The following RUVBL2 variants were observed in gnomAD, a reference collection of about 807,000 sequenced individuals.
RUVBL2 encodes RuvB like AAA ATPase 2.
In RUVBL2, 9 loss-of-function variants were observed where a neutral mutation model predicts 57.9. The observed-to-expected ratio is 0.16, with a 90% confidence interval of 0.09 to 0.27. The LOEUF (loss-of-function observed/expected upper bound fraction) is 0.27, where lower values mean the gene tolerates loss of function less well. Ranked by LOEUF, RUVBL2 falls within the 10% of genes least tolerant of loss-of-function variation. RUVBL2 has a pLI of 1.00. For missense variants in RUVBL2, 456 were observed against 669.6 expected, an observed-to-expected ratio of 0.68 and a Z score of 3.52; for synonymous variants, 278 against 264.6, an observed-to-expected ratio of 1.05 and a Z score of -0.49.
chr19:49,004,668 T>C (rs917670377), intron 4 of RUVBL2, among the ~76,000 whole-genome samples: 1 of 152,074 alleles, frequency 6.6e-6, no homozygotes, highest in East Asian at 1.9e-4. Flanking sequence ...GAGGACGCCA[T>C]GTTCCAAGAG....
intron 1 of RUVBL2, among the ~76,000 whole-genome samples, chr19:48,996,348 G>T (rs1213829361): frequency 5.3e-5 from 8 of 152,012 alleles, no homozygotes; most frequent in African/African-American, 1.7e-4. Flanking sequence ...TCAAGACAGA[G>T]TCTCACTCTG....
intron 1 of RUVBL2, among the ~76,000 whole-genome samples, chr19:48,996,378 G>C (rs1474790333): frequency 6.6e-6 from 1 of 152,062 alleles, no homozygotes; most frequent in Admixed American, 6.6e-5. Context: ...CTGGAGTGCA[G>C]TGGTGTGATC....
intron 11 of RUVBL2, 144 bp from the exon 12 acceptor site, chr19:49,014,337 GTCA>G: frequency 1.1e-6 from 1 of 919,948 alleles, no homozygotes; most frequent in Admixed American, 2.4e-5. Flanking sequence ...CAGGGGTGAT[GTCA>G]TCATGTGACA....
intron 1 of RUVBL2, chr19:48,994,875 C>G (rs774293572): frequency 6.6e-6 from 1 of 152,200 alleles, no homozygotes; most frequent in Non-Finnish European, 1.5e-5. Flanking sequence ...GAGCCAAGAT[C>G]GCGCCACTGC....
chr19:49,015,931 C>T lies in RUVBL2; in HGVS notation c.*89C>T. ...TAAAATGGTTGGGAAGCTGCACCCA[C>T]CCTGTGTATGTGTGGTTGCCCTGAG... is the stretch of plus-strand genomic sequence containing the variant. On this transcript the variant is annotated 3_prime_UTR_variant, in exon 15 of 15. Transcript: ENST00000595090. 4.3e-6 allele frequency: 7 copies of T among 1,614,108 alleles called. No individual in the cohort carries two copies. Among genetic ancestry groups the T allele is most frequent in the Non-Finnish European group, 5.9e-6 (7 of 1,179,930 alleles).
rs1479890958 is a variant in RUVBL2 at position 49,001,677 on chromosome 19, A to G, written c.68-1602A>G. Reference sequence around the variant, plus strand: ...CCCCAGGCTGGAGTGCAGTGGCGCAATCTTGGCTCACTGCAAGCTCCACCT... The same window carrying G: ...CCCCAGGCTGGAGTGCAGTGGCGCAGTCTTGGCTCACTGCAAGCTCCACCT... On this transcript the variant is annotated intron_variant, in intron 2 of 14. Transcript: ENST00000595090. 5 of 151,226 alleles carry G rather than the reference A, an allele frequency of 3.3e-5. No individual in the cohort carries two copies. In the East Asian group the frequency reaches 5.9e-4, roughly 18 times the overall value. The allele number at this position is 151,226 out of a possible 1,614,324, so 9.4% of individuals were successfully genotyped here.
At chr19:49,004,481 T>G in intron 4 of RUVBL2, 63 bp downstream of exon 4, 2 of 1,521,010 alleles carry the variant, frequency 1.3e-6, no homozygotes, top group Non-Finnish European at 1.8e-6. Flanking sequence ...CCTGTGTAAG[T>G]CAGGGTCAGG....
At chr19:49,001,395 C>T (rs925768554) in intron 2 of RUVBL2, 2 of 151,088 alleles carry the variant, frequency 1.3e-5, no homozygotes, top group African/African-American at 4.9e-5. Context: ...ATCTCCTGAC[C>T]TCGTGATCCG....
chr19:48,999,254 C>G, intron 1 of RUVBL2, 65 bp from the exon 2 acceptor site: 1 of 1,550,672 alleles, frequency 6.4e-7, no homozygotes, highest in South Asian at 1.1e-5. Flanking sequence ...ATGGGAGGGA[C>G]AGAGGAGGGG....
At chr19:49,003,363 G>A in intron 3 of RUVBL2, 29 bp downstream of exon 3, 1 of 1,609,898 alleles carries the variant, frequency 6.2e-7, no homozygotes, top group Non-Finnish European at 8.5e-7. Flanking sequence ...GGGTGTGAGG[G>A]CCTCTCCATG....
At position 49,010,248 on chromosome 19, in the gene RUVBL2, G is replaced by C. The variant is rs765215206; in HGVS notation, c.663+182G>C. ...CCCCTCAGCCTGGCACTATAGCTTC[G>C]CATGGCCACATGTGGCCTGTGGCTT... is the stretch of plus-strand genomic sequence containing the variant. On this transcript the variant is annotated intron_variant, in intron 8 of 14. Coordinates refer to ENST00000595090, the MANE Select transcript of RUVBL2 (RefSeq NM_006666.3). The C allele has an allele frequency of 5.6e-6, 4 of 712,078 alleles. No homozygotes were observed. In the African/African-American group the frequency reaches 7.1e-5, roughly 13 times the overall value. 44.1% of individuals were successfully genotyped at this position (712,078 alleles called of 1,614,324 possible).
chr19:49,014,626 C>T (rs542941951), intron 12 of RUVBL2, 23 bp downstream of exon 12: 94 of 1,612,884 alleles, frequency 5.8e-5, no homozygotes, highest in African/African-American at 6.7e-5. Flanking sequence ...CCAGGCCGTG[C>T]GCCTGAGACG....
At chr19:48,996,874 G>C (rs1371699541) in intron 1 of RUVBL2, among the ~76,000 whole-genome samples, 1 of 151,856 alleles carries the variant, frequency 6.6e-6, no homozygotes, top group Non-Finnish European at 1.5e-5. Context: ...TGTTGGCCAG[G>C]CTGGTCTCGA....
intron 1 of RUVBL2, among the ~76,000 whole-genome samples, chr19:48,997,566 T>TTGTAG (rs2039086243): frequency 6.7e-6 from 1 of 150,352 alleles, no homozygotes; most frequent in African/African-American, 2.5e-5. Flanking sequence ...GAAGCAGAGG[T>TTGTAG]TGTAGTGAGC....
upstream of RUVBL2, chr19:48,993,608 G>T (rs2038989505): frequency 9.2e-6 from 5 of 542,960 alleles, no homozygotes; most frequent in East Asian, 1.6e-4. Context: ...CGTGGAGGAC[G>T]TGTGGTTACT....
chr19:48,999,380 G>T lies in RUVBL2; in HGVS notation c.67+7G>T. 1 of 1,614,202 alleles carries T rather than the reference G, an allele frequency of 6.2e-7. No homozygotes were observed. The highest frequency in any genetic ancestry group is 8.5e-7 in the Non-Finnish European group (1 of 1,180,014). On this transcript the variant is annotated splice_region_variant and intron_variant, in intron 2 of 14. Coordinates refer to ENST00000595090, the MANE Select transcript of RUVBL2 (RefSeq NM_006666.3). ...ACAAGGATTGAGCGAATCGGTGAGTGAGTTGGGTCAGGAATAGGACCTAAG... is the reference window on the plus strand; with the variant it reads ...ACAAGGATTGAGCGAATCGGTGAGTTAGTTGGGTCAGGAATAGGACCTAAG...
At chr19:49,014,344 T>C (rs1600198996) in intron 11 of RUVBL2, 140 bp from the exon 12 acceptor site, 1 of 978,988 alleles carries the variant, frequency 1.0e-6, no homozygotes, top group African/African-American at 1.6e-5. Flanking sequence ...GATGTCATCA[T>C]GTGACAGGAG....
chr19:49,001,795 A>G (rs2039188296), intron 2 of RUVBL2, among the ~76,000 whole-genome samples: 1 of 151,516 alleles, frequency 6.6e-6, no homozygotes, highest in Non-Finnish European at 1.5e-5. Context: ...TATTTTTAGT[A>G]GAGACGTGGT....
chr19:48,995,212 G>A (rs922709562), intron 1 of RUVBL2, among the ~76,000 whole-genome samples: 5 of 151,876 alleles, frequency 3.3e-5, no homozygotes, highest in East Asian at 1.9e-4. Context: ...TGGGAACAGC[G>A]GGCAGCAAGG....
Sources: allele counts gnomAD v4.1 joint callset (sites outside exome capture counted in the v4.1 genomes callset), GRCh38; gene constraint gnomAD v4.1.1; transcripts MANE v1.5; gene names NCBI Gene and HGNC (gene_info 2026-07-23, HGNC 2026-07-21).